DPP6: variants seen among roughly 807,000 people sequenced by gnomAD.
DPP6 encodes the protein dipeptidyl peptidase like 6.
DPP6 carries 69 observed loss-of-function variants against 122.6 expected under a neutral mutation model. The ratio of observed to expected loss-of-function variants is 0.56; its 90% CI spans 0.46 to 0.69. The LOEUF is 0.69. Ranked by LOEUF, DPP6 falls within the 30% of genes least tolerant of loss-of-function variation. The probability of loss-of-function intolerance (pLI) is 0.00; values close to 1 mark genes in which losing one functional copy is unlikely to be tolerated. For synonymous variants in DPP6, 418 were observed against 433.1 expected (o/e 0.97, Z 0.43); for missense variants, 928 against 1,116.9 (o/e 0.83, Z 2.41).
intron 1 of DPP6, among the ~76,000 whole-genome samples, chr7:154,195,781 C>T (rs1455153202): frequency 6.6e-6 from 1 of 151,824 alleles, no homozygotes; most frequent in African/African-American, 2.4e-5. Context: ...TGAAAATTTC[C>T]TAGGAACCTC....
At chr7:154,702,824 A>G (rs948491983) in intron 7 of DPP6, among the ~76,000 whole-genome samples, 1 of 152,254 alleles carries the variant, frequency 6.6e-6, no homozygotes, top group Non-Finnish European at 1.5e-5. Flanking sequence ...ACACCAAACA[A>G]CAGATTTTTA....
chr7:154,523,237 C>T (rs770878555), intron 3 of DPP6, among the ~76,000 whole-genome samples: 4 of 152,186 alleles, frequency 2.6e-5, no homozygotes, highest in South Asian at 2.1e-4. Flanking sequence ...TTTTTTGAGA[C>T]GGAGTCTTAC....
intron 10 of DPP6, among the ~76,000 whole-genome samples, chr7:154,789,909 T>G (rs529440075): frequency 6.6e-6 from 1 of 152,208 alleles, no homozygotes. Flanking sequence ...AACTAAAATG[T>G]ATTTGGGGCC....
the DPP6 span, among the ~76,000 whole-genome samples, chr7:153,860,093 T>C: frequency 6.6e-6 from 1 of 152,192 alleles, no homozygotes; most frequent in Admixed American, 6.5e-5. Flanking sequence ...GCTGTTATTA[T>C]TATCATTTTC....
At chr7:154,428,901 T>C (rs987890426) in intron 1 of DPP6, among the ~76,000 whole-genome samples, 1 of 152,178 alleles carries the variant, frequency 6.6e-6, no homozygotes, top group Non-Finnish European at 1.5e-5. Context: ...GGGTACAACG[T>C]ACAGTGTTAA....
intron 1 of DPP6, among the ~76,000 whole-genome samples, chr7:154,328,158 T>C (rs1388164539): frequency 6.6e-6 from 1 of 152,124 alleles, no homozygotes; most frequent in Admixed American, 6.5e-5. Flanking sequence ...TTTGCTCGGA[T>C]CCCTGGGTTG....
At chr7:154,158,257 A>C (rs556693275) in intron 1 of DPP6, among the ~76,000 whole-genome samples, 1 of 151,368 alleles carries the variant, frequency 6.6e-6, no homozygotes, top group Non-Finnish European at 1.5e-5. Flanking sequence ...CTATCTCAAT[A>C]ACTACCCAAC....
the DPP6 span, among the ~76,000 whole-genome samples, chr7:153,780,499 A>G: frequency 1.3e-5 from 2 of 152,190 alleles, no homozygotes; most frequent in Non-Finnish European, 2.9e-5. Flanking sequence ...AATTCACAGC[A>G]CATACTTGGC....
chr7:153,913,265 G>GTACTTT (rs1800164035), intron 1 of DPP6, among the ~76,000 whole-genome samples: 1 of 152,160 alleles, frequency 6.6e-6, no homozygotes, highest in Non-Finnish European at 1.5e-5. Context: ...AGTAGAGACA[G>GTACTTT]GGTATCACCA....
intron 5 of DPP6, among the ~76,000 whole-genome samples, chr7:154,572,911 C>G (rs1293042243): frequency 6.6e-6 from 1 of 151,762 alleles, no homozygotes; most frequent in Non-Finnish European, 1.5e-5. Context: ...AACTCCTTAC[C>G]TCATTTGATC....
Position 154,772,933 on chromosome 7 carries a change from C to A in DPP6, c.1127C>A (p.Pro376Gln). The change falls in exon 10 of 26, where the codon CCA becomes CAA. Residue 376 changes from proline (P) to glutamine (Q), a missense_variant. Coordinates refer to ENST00000377770, the MANE Select transcript of DPP6 (RefSeq NM_130797.4). Reference protein sequence around the residue: ...HDLEMMPPDDPRMREYYITMV... With the variant: ...HDLEMMPPDDQRMREYYITMV... ...CTGGAGATGATGCCGCCTGATGATC[C>A]ACGGATGAGGTTTGCTTCCTTCTAT... 6.2e-7 allele frequency: 1 copy of A among 1,602,652 alleles called. No individual in the cohort carries two copies. Among genetic ancestry groups the A allele is most frequent in the Non-Finnish European group, 8.5e-7 (1 of 1,175,166 alleles).
intron 1 of DPP6, among the ~76,000 whole-genome samples, chr7:154,006,907 T>C (rs1246945228): frequency 3.3e-5 from 5 of 152,262 alleles, no homozygotes; most frequent in African/African-American, 4.8e-5. Context: ...AGCTTGGCTT[T>C]TTTTAGATGA....
chr7:154,759,803 G>T (rs12234731), intron 8 of DPP6, among the ~76,000 whole-genome samples: 17,474 of 152,164 alleles, frequency 0.11, 1,323 homozygotes, highest in African/African-American at 0.21. Context: ...ATGCCAATAC[G>T]GTGACACCAG....
the DPP6 span, among the ~76,000 whole-genome samples, chr7:153,801,792 G>C: frequency 1.3e-5 from 2 of 152,154 alleles, no homozygotes; most frequent in African/African-American, 4.8e-5. Context: ...AAAATTCAGA[G>C]AGCCCTTGAG....
intron 7 of DPP6, among the ~76,000 whole-genome samples, chr7:154,727,354 C>T (rs1323294057): frequency 6.6e-6 from 1 of 152,098 alleles, no homozygotes; most frequent in Non-Finnish European, 1.5e-5. Context: ...GTGAGAACTC[C>T]CTCACTATCA....
At chr7:154,587,450 A>G (rs1832530810) in intron 5 of DPP6, 2 of 627,110 alleles carry the variant, frequency 3.2e-6, no homozygotes, top group Admixed American at 2.9e-5. Context: ...CATCCCACAC[A>G]GCCTGCAGCT....
intron 1 of DPP6, among the ~76,000 whole-genome samples, chr7:153,923,408 A>G (rs1194148108): frequency 6.6e-6 from 1 of 152,168 alleles, no homozygotes; most frequent in Non-Finnish European, 1.5e-5. Context: ...GTGATGGATT[A>G]AATTTCCCCT....
At chr7:153,792,250 T>C in the DPP6 span, among the ~76,000 whole-genome samples, 6 of 152,246 alleles carry the variant, frequency 3.9e-5, no homozygotes, top group Non-Finnish European at 7.3e-5. Flanking sequence ...AATTTTAGAA[T>C]CACCTCATCA....
intron 25 of DPP6, among the ~76,000 whole-genome samples, 176 bp from the exon 26 acceptor site, chr7:154,892,158 T>A (rs776900952): frequency 6.6e-6 from 1 of 152,140 alleles, no homozygotes; most frequent in Non-Finnish European, 1.5e-5. Flanking sequence ...CAGGCAGATC[T>A]CCCAGGAGGA....
Sources: allele counts gnomAD v4.1 joint callset (sites outside exome capture counted in the v4.1 genomes callset), GRCh38; gene constraint gnomAD v4.1.1; transcripts MANE v1.5; gene names NCBI Gene and HGNC (gene_info 2026-07-23, HGNC 2026-07-21).